TANC1: variants seen among roughly 807,000 people sequenced by gnomAD.
The protein encoded by TANC1 is tetratricopeptide repeat, ankyrin repeat and coiled-coil containing 1, also known as protein TANC1.
Under a neutral mutation model 149.7 loss-of-function variants are expected in TANC1, and 77 were observed. The observed-to-expected ratio is 0.51, with a 90% CI of 0.43 to 0.62. The LOEUF is 0.62. Ranked by LOEUF, TANC1 falls within the 20% of genes least tolerant of loss-of-function variation. TANC1 has a pLI of 0.00. For synonymous variants in TANC1, 854 were observed against 925.0 expected (o/e 0.92, Z 1.39); for missense variants, 1,985 against 2,321.8 (o/e 0.85, Z 2.98).
At chr2:158,973,134 G>A (rs2033141474) in intron 1 of TANC1, among the ~76,000 whole-genome samples, 1 of 152,196 alleles carries the variant, frequency 6.6e-6, no homozygotes, top group Non-Finnish European at 1.5e-5. Flanking sequence ...GTGTTGCAGA[G>A]GGATGACATA....
At chr2:159,044,464 G>T (rs982484532) in intron 2 of TANC1, among the ~76,000 whole-genome samples, 1 of 152,020 alleles carries the variant, frequency 6.6e-6, no homozygotes, top group African/African-American at 2.4e-5. Flanking sequence ...GTTTGGCGAG[G>T]CTGGAGGCTC....
chr2:159,226,174 G>GA (rs746702521), intron 24 of TANC1: 4,323 of 166,572 alleles, frequency 0.026, no homozygotes, highest in South Asian at 0.065. Flanking sequence ...AGTCTCAGAA[G>GA]AAAAAAAAAA....
chr2:159,154,927 G>A (rs2053256758), intron 7 of TANC1, among the ~76,000 whole-genome samples: 2 of 152,122 alleles, frequency 1.3e-5, no homozygotes, highest in South Asian at 2.1e-4. Flanking sequence ...TTTTAAAGGT[G>A]TTTCCTCCTT....
intron 13 of TANC1, 24 bp from the exon 14 acceptor site, chr2:159,178,530 CTG>C (rs2056123972): frequency 1.3e-6 from 2 of 1,534,932 alleles, no homozygotes; most frequent in Non-Finnish European, 1.7e-6. Flanking sequence ...TAGAGTGACA[CTG>C]TGGGTTTTTG....
rs776966682 is a variant in TANC1 at position 159,231,000 on chromosome 2, G to A, written c.5574G>A (p.Glu1858=). 4 of 1,608,280 alleles carry A rather than the reference G, an allele frequency of 2.5e-6. No homozygotes were observed. The South Asian group carries it at 4.4e-5, about 18-fold the overall frequency. ...CCAAACCAAAGCGATCATTTATAGA[G>A]TCAAATGTGTGAACCTTAAGAAATC... ...TAAKPKRSFI[E]SNV The change falls in exon 27 of 27, where the codon GAG becomes GAA. Residue 1858 remains glutamate (E), a synonymous_variant. Transcript: ENST00000263635. The surrounding 1 kb of genome is among the most constrained non-coding windows in gnomAD (Gnocchi z 4.4).
chr2:159,136,051 C>CGTGTGCGCGT, intron 4 of TANC1, 143 bp from the exon 5 acceptor site: 1 of 126,908 alleles, frequency 7.9e-6, no homozygotes, highest in South Asian at 4.8e-5. Flanking sequence ...TGTGTGTGTG[C>CGTGTGCGCGT]GCGCGCGCGC....
chr2:158,989,449 TA>T (rs899108145), intron 1 of TANC1, among the ~76,000 whole-genome samples: 50 of 145,096 alleles, frequency 3.4e-4, no homozygotes, highest in African/African-American at 8.1e-4. Flanking sequence ...TACTAAAAGT[TA>T]AAAAAAAAAA....
At chr2:159,029,381 G>A (rs1240655006) in intron 2 of TANC1, among the ~76,000 whole-genome samples, 5 of 152,124 alleles carry the variant, frequency 3.3e-5, no homozygotes, top group Admixed American at 2.0e-4. Flanking sequence ...TTGTTGGATC[G>A]TATGCCTCAC....
At chr2:159,004,158 C>A in intron 2 of TANC1, 1 of 1,612,470 alleles carries the variant, frequency 6.2e-7, no homozygotes, top group South Asian at 1.1e-5. Flanking sequence ...ATTAAGTCAG[C>A]TTGGTGCTGA....
intron 1 of TANC1, among the ~76,000 whole-genome samples, chr2:158,996,183 A>G (rs1298413407): frequency 6.6e-6 from 1 of 152,170 alleles, no homozygotes; most frequent in Non-Finnish European, 1.5e-5. Context: ...AGACCCCCCA[A>G]GTCTGCAAAA....
chr2:159,198,461 C>T (rs1274365739), intron 18 of TANC1, among the ~76,000 whole-genome samples: 2 of 152,202 alleles, frequency 1.3e-5, no homozygotes, highest in East Asian at 3.9e-4. Context: ...TCCCTGCAAG[C>T]CAGGCTTCCT....
Position 159,228,054 on chromosome 2 carries a change from C to T in TANC1, c.4050+89C>T, listed in dbSNP as rs574926890. 47 of 1,400,848 alleles carry T rather than the reference C, an allele frequency of 3.4e-5. No homozygotes were observed. In the African/African-American group the frequency reaches 6.0e-4, roughly 18 times the overall value. 86.8% of individuals were successfully genotyped at this position (1,400,848 alleles called of 1,614,324 possible). A position where few individuals can be genotyped will look rare whatever the true frequency, so the allele number is the denominator to read the frequency against. On this transcript the variant is annotated intron_variant, in intron 25 of 26. Transcript: ENST00000263635. ...GGCCAGCCCTTCTCCAGACCAGATC[C>T]TGGGCCCTCCTGTCCAATTTGCTTG...
At chr2:159,176,545 C>T (rs759362327) in intron 13 of TANC1, 27 bp downstream of exon 13, 13 of 1,548,284 alleles carry the variant, frequency 8.4e-6, no homozygotes, top group East Asian at 2.3e-5. Context: ...AAATCTTTCT[C>T]CAAGTCCCCA....
At chr2:159,098,294 A>G (rs1338659520) in intron 4 of TANC1, among the ~76,000 whole-genome samples, 1 of 152,250 alleles carries the variant, frequency 6.6e-6, no homozygotes, top group Non-Finnish European at 1.5e-5. Context: ...CATTCAGTAT[A>G]GTAACGTGCT....
chr2:159,220,334 G>A (rs891343994), intron 22 of TANC1, among the ~76,000 whole-genome samples: 2 of 151,560 alleles, frequency 1.3e-5, no homozygotes, highest in Non-Finnish European at 2.9e-5. Context: ...CCAAGATGGA[G>A]TCTTGCTCTG....
intron 17 of TANC1, among the ~76,000 whole-genome samples, 187 bp from the exon 18 acceptor site, chr2:159,196,421 A>G (rs772827608): frequency 6.6e-6 from 1 of 152,216 alleles, no homozygotes; most frequent in African/African-American, 2.4e-5. Flanking sequence ...GAGGCCTGGA[A>G]TGGTACATTC....
At chr2:159,077,201 C>T (rs914142902) in intron 3 of TANC1, among the ~76,000 whole-genome samples, 2 of 152,084 alleles carry the variant, frequency 1.3e-5, no homozygotes, top group Admixed American at 6.5e-5. Flanking sequence ...GCGCTACAGG[C>T]GTGCAGCTCT....
At chr2:159,114,412 G>C (rs264583) in intron 4 of TANC1, among the ~76,000 whole-genome samples, 49,441 of 152,036 alleles carry the variant, frequency 0.33, 8,751 homozygotes, top group East Asian at 0.63. Flanking sequence ...TTACTGTACA[G>C]TTAATTTTTT....
At chr2:159,040,785 G>A (rs539400417) in intron 2 of TANC1, among the ~76,000 whole-genome samples, 5 of 152,218 alleles carry the variant, frequency 3.3e-5, no homozygotes, top group South Asian at 2.1e-4. Flanking sequence ...GTCATTCTCC[G>A]TCCAGCTTTT....
Sources: allele counts gnomAD v4.1 joint callset (sites outside exome capture counted in the v4.1 genomes callset), GRCh38; gene constraint gnomAD v4.1.1; non-coding constraint Gnocchi (gnomAD v3.1); transcripts MANE v1.5; gene names NCBI Gene and HGNC (gene_info 2026-07-23, HGNC 2026-07-21).